The following LGR5 variants were observed in gnomAD, a reference collection of about 807,000 sequenced individuals.
LGR5 encodes the protein leucine-rich repeat-containing G protein-coupled receptor 5.
LGR5 carries 54 observed loss-of-function variants against 76.7 expected under a neutral mutation model. The ratio of observed to expected loss-of-function variants is 0.70; its 90% CI spans 0.57 to 0.88. The LOEUF (loss-of-function observed/expected upper bound fraction) is 0.88. Ranked by LOEUF, LGR5 falls within the 40% of genes least tolerant of loss-of-function variation. LGR5 has a pLI of 0.00. For missense variants in LGR5, 1,078 were observed against 1,073.3 expected (o/e 1.00, Z -0.06); for synonymous variants, 406 against 421.9 (o/e 0.96, Z 0.46).
chr12:71,553,338 A>G, intron 5 of LGR5, 50 bp downstream of exon 5: 1 of 1,500,070 alleles, frequency 6.7e-7, no homozygotes, highest in Non-Finnish European at 9.3e-7. Context: ...ATGTCACTGG[A>G]AGACCTTGGC....
At chr12:71,487,600 A>G (rs1873889127) in intron 1 of LGR5, among the ~76,000 whole-genome samples, 1 of 152,060 alleles carries the variant, frequency 6.6e-6, no homozygotes, top group Non-Finnish European at 1.5e-5. Flanking sequence ...TTATTTCTGT[A>G]CGAGGTCTCA....
At chr12:71,483,562 G>A (rs1873700135) in intron 1 of LGR5, among the ~76,000 whole-genome samples, 1 of 152,168 alleles carries the variant, frequency 6.6e-6, no homozygotes, top group Admixed American at 6.6e-5. Flanking sequence ...GTGGAAATTA[G>A]ACCATGGATT....
At chr12:71,539,385 A>C (rs1876760524) in intron 4 of LGR5, among the ~76,000 whole-genome samples, 2 of 152,214 alleles carry the variant, frequency 1.3e-5, no homozygotes, top group Non-Finnish European at 2.9e-5. Flanking sequence ...AATTGTGCTC[A>C]TGTTTCAAGG....
intron 1 of LGR5, among the ~76,000 whole-genome samples, chr12:71,447,124 C>A (rs932028614): frequency 9.2e-5 from 14 of 152,094 alleles, no homozygotes; most frequent in Admixed American, 2.0e-4. Context: ...GGATGAGATG[C>A]GATACATTGT....
At chr12:71,546,453 G>A (rs1224585808) in intron 4 of LGR5, among the ~76,000 whole-genome samples, 1 of 152,072 alleles carries the variant, frequency 6.6e-6, no homozygotes, top group Non-Finnish European at 1.5e-5. Flanking sequence ...AATACTGGGT[G>A]ACATTCATCT....
intron 2 of LGR5, among the ~76,000 whole-genome samples, chr12:71,514,391 A>C (rs1875326747): frequency 6.6e-6 from 1 of 151,936 alleles, no homozygotes; most frequent in Admixed American, 6.6e-5. Context: ...ACACAGTGAA[A>C]CCCCGTATCT....
chr12:71,479,221 T>A (rs1873475539), intron 1 of LGR5, among the ~76,000 whole-genome samples: 2 of 152,256 alleles, frequency 1.3e-5, no homozygotes, highest in African/African-American at 4.8e-5. Flanking sequence ...TTTTTAGAAG[T>A]GCATTTTAGC....
intron 13 of LGR5, among the ~76,000 whole-genome samples, chr12:71,576,781 A>G (rs1878875066): frequency 1.3e-5 from 2 of 152,208 alleles, no homozygotes; most frequent in South Asian, 4.1e-4. Flanking sequence ...CCAGGGCACC[A>G]TGATCTACTT....
chr12:71,583,607 C>G (rs1457460976), intron 17 of LGR5, 40 bp from the exon 18 acceptor site: 1 of 1,565,308 alleles, frequency 6.4e-7, no homozygotes, highest in Non-Finnish European at 8.7e-7. Context: ...GTTGTAAACC[C>G]TAATTTGATA....
chr12:71,499,872 G>A (rs1874514081), intron 1 of LGR5, among the ~76,000 whole-genome samples: 1 of 152,022 alleles, frequency 6.6e-6, no homozygotes, highest in Non-Finnish European at 1.5e-5. Flanking sequence ...GACTTCTCAG[G>A]GCGACTTTTC....
At chr12:71,526,017 T>C (rs901567173) in intron 3 of LGR5, among the ~76,000 whole-genome samples, 2 of 152,098 alleles carry the variant, frequency 1.3e-5, no homozygotes, top group Admixed American at 1.3e-4. Context: ...ATCTATGAAA[T>C]TAGAGATGTC....
intron 1 of LGR5, among the ~76,000 whole-genome samples, chr12:71,475,229 A>G (rs1028573429): frequency 2.0e-5 from 3 of 151,066 alleles, no homozygotes; most frequent in Non-Finnish European, 4.5e-5. Flanking sequence ...CAAAAATGAC[A>G]AAAAAAAGTT....
chr12:71,583,612 T>C, intron 17 of LGR5, 35 bp from the exon 18 acceptor site: 1 of 1,569,856 alleles, frequency 6.4e-7, no homozygotes, highest in Non-Finnish European at 8.6e-7. Context: ...AAACCCTAAT[T>C]TGATACTCAA....
chr12:71,501,120 G>A (rs1229685113), intron 1 of LGR5, among the ~76,000 whole-genome samples: 1 of 152,114 alleles, frequency 6.6e-6, no homozygotes, highest in East Asian at 1.9e-4. Context: ...TACTTAAAGA[G>A]TAAATAATGC....
At chr12:71,480,235 G>T (rs535994562) in intron 1 of LGR5, among the ~76,000 whole-genome samples, 1 of 151,826 alleles carries the variant, frequency 6.6e-6, no homozygotes, top group Admixed American at 6.6e-5. Flanking sequence ...GTGGTGGCTT[G>T]TGCTTGTAAT....
chr12:71,442,834 A>G (rs1445596089), intron 1 of LGR5, among the ~76,000 whole-genome samples: 1 of 152,212 alleles, frequency 6.6e-6, no homozygotes, highest in African/African-American at 2.4e-5. Context: ...AAAACATAAA[A>G]GAGGAATTTT....
At chr12:71,555,988 G>A (rs1189867524) in intron 5 of LGR5, among the ~76,000 whole-genome samples, 1 of 152,154 alleles carries the variant, frequency 6.6e-6, no homozygotes, top group African/African-American at 2.4e-5. Context: ...GGAATACTAT[G>A]CAGCCATAAA....
At chr12:71,532,955 G>T (rs1876398443) in intron 3 of LGR5, among the ~76,000 whole-genome samples, 1 of 152,184 alleles carries the variant, frequency 6.6e-6, no homozygotes, top group Admixed American at 6.5e-5. Context: ...TACTCTAAAG[G>T]CTGAGGCGGG....
chr12:71,499,656 CCTT>C (rs1874503663), intron 1 of LGR5, among the ~76,000 whole-genome samples: 1 of 152,126 alleles, frequency 6.6e-6, no homozygotes, highest in Non-Finnish European at 1.5e-5. Flanking sequence ...CACAGAGTCT[CCTT>C]CATGGGGTCT....
Sources: gnomAD v4.1 joint callset for allele counts (sites outside exome capture counted in the v4.1 genomes callset) on GRCh38, gnomAD v4.1.1 for gene constraint, MANE v1.5 for transcripts, NCBI Gene and HGNC (gene_info 2026-07-23, HGNC 2026-07-21) for gene names.